LRIT3: variants seen among roughly 807,000 people sequenced by gnomAD.
LRIT3 encodes leucine-rich repeat, immunoglobulin-like domain and transmembrane domain-containing protein 3.
In LRIT3, 14 loss-of-function variants were observed where a neutral mutation model predicts 22.6. That is an observed-to-expected ratio of 0.62 (90% CI 0.41 to 0.97). The LOEUF (loss-of-function observed/expected upper bound fraction) is 0.97, where lower values mean the gene tolerates loss of function less well. LRIT3 is among the 50% of genes least tolerant of loss of function. The probability of loss-of-function intolerance (pLI) is 0.00; values close to 1 mark genes in which losing one functional copy is unlikely to be tolerated. For synonymous variants in LRIT3, 306 were observed against 304.5 expected (o/e 1.01, Z -0.05); for missense variants, 783 against 803.0 (o/e 0.98, Z 0.30).
At chr4:109,869,583 TTGGCATGG>T in intron 3 of LRIT3, 54 bp from the exon 4 acceptor site, 1 of 1,470,358 alleles carries the variant, frequency 6.8e-7, no homozygotes, top group Non-Finnish European at 9.1e-7. Context: ...TCCTCCTCAG[TTGGCATGG>T]TGGCTTGAAT....
At chr4:109,848,461 G>T (rs771481986) in intron 1 of LRIT3, 144 bp downstream of exon 1, 77 of 429,794 alleles carry the variant, frequency 1.8e-4, no homozygotes, top group Non-Finnish European at 2.6e-4. Context: ...TAACTTAATT[G>T]TTTTAACACT....
Position 109,870,160 on chromosome 4 carries a change from G to A in LRIT3, c.1411G>A (p.Glu471Lys), listed in dbSNP as rs1164043193. ...LPPASTSKKEELALLDQTMLT... is the reference protein window; with the variant it reads ...LPPASTSKKEKLALLDQTMLT... ...TCCAGCCAGCACAAGTAAGAAAGAA[G>A]AGCTGGCATTGTTGGATCAAACAAT... The change falls in exon 4 of 4, where the codon GAG becomes AAG. Residue 471 changes from glutamate (E) to lysine (K), a missense_variant. Glu to Lys is a moderately conservative substitution (Grantham distance 56, BLOSUM62 1). Transcript: ENST00000594814. The A allele has an allele frequency of 6.2e-7, 1 of 1,614,210 alleles. No individual in the cohort carries two copies. The highest frequency in any genetic ancestry group is 1.3e-5 in the African/African-American group (1 of 75,060).
intron 3 of LRIT3, among the ~76,000 whole-genome samples, chr4:109,869,284 T>G (rs1734761106): frequency 6.6e-6 from 1 of 152,194 alleles, no homozygotes; most frequent in African/African-American, 2.4e-5. Context: ...GATTACTTCG[T>G]CTCATCCTCT....
At chr4:109,867,428 C>T (rs1481865296) in intron 2 of LRIT3, among the ~76,000 whole-genome samples, 2 of 151,972 alleles carry the variant, frequency 1.3e-5, no homozygotes, top group Non-Finnish European at 2.9e-5. Context: ...AAGTATTAGC[C>T]ATGATTATTA....
intron 1 of LRIT3, among the ~76,000 whole-genome samples, chr4:109,850,938 T>A (rs530574112): frequency 1.3e-5 from 2 of 149,300 alleles, no homozygotes; most frequent in Non-Finnish European, 2.9e-5. Flanking sequence ...ACTTTAAACA[T>A]GTACTGTGAA....
intron 2 of LRIT3, among the ~76,000 whole-genome samples, chr4:109,857,719 T>C (rs1326258256): frequency 6.6e-6 from 1 of 152,148 alleles, no homozygotes; most frequent in Non-Finnish European, 1.5e-5. Flanking sequence ...AGAGCAATCA[T>C]TAGTAATATG....
chr4:109,870,935 A>T lies in LRIT3; in HGVS notation c.*146A>T. The T allele has an allele frequency of 1.3e-6, 1 of 746,884 alleles. No individual in the cohort carries two copies. Among genetic ancestry groups the T allele is most frequent in the Non-Finnish European group, 2.0e-6 (1 of 504,850 alleles). The allele number at this position is 746,884 out of a possible 1,614,324, so 46.3% of individuals were successfully genotyped here. A position where few individuals can be genotyped will look rare whatever the true frequency, so the allele number is the denominator to read the frequency against. ...CTTTTAAGTATGTTTAAAAAATACCATGAGACCTCTGAACTGAAAAGACAA... is the reference window on the plus strand; with the variant it reads ...CTTTTAAGTATGTTTAAAAAATACCTTGAGACCTCTGAACTGAAAAGACAA... On this transcript the variant is annotated 3_prime_UTR_variant, in exon 4 of 4. Transcript: ENST00000594814.
chr4:109,870,972 T>C lies in LRIT3; in HGVS notation c.*183T>C. ...AACTGAAAAGACAAATAATGTTGATTTTTTTTCTTGTGTGGAAAAGGTCTA... is the reference window on the plus strand; with the variant it reads ...AACTGAAAAGACAAATAATGTTGATCTTTTTTCTTGTGTGGAAAAGGTCTA... On this transcript the variant is annotated 3_prime_UTR_variant, in exon 4 of 4. Transcript: ENST00000594814. 2 of 533,950 alleles carry C rather than the reference T, an allele frequency of 3.7e-6. No homozygotes were observed. Among genetic ancestry groups the C allele is most frequent in the Non-Finnish European group, 6.0e-6 (2 of 335,880 alleles). The allele number at this position is 533,950 out of a possible 1,614,324, so 33.1% of individuals were successfully genotyped here. A position where few individuals can be genotyped will look rare whatever the true frequency, so the allele number is the denominator to read the frequency against.
chr4:109,860,756 G>T (rs74465739), intron 2 of LRIT3, among the ~76,000 whole-genome samples: 1 of 152,074 alleles, frequency 6.6e-6, no homozygotes, highest in Non-Finnish European at 1.5e-5. Context: ...TAGGTTAATT[G>T]TGCCTGCTCT....
chr4:109,865,822 C>G (rs966291630), intron 2 of LRIT3, among the ~76,000 whole-genome samples: 1 of 152,156 alleles, frequency 6.6e-6, no homozygotes, highest in Non-Finnish European at 1.5e-5. Flanking sequence ...GGGGGTGAAG[C>G]TTGACAGAAC....
In LRIT3 at chr4:109,867,903, G is replaced by A. The variant is rs1196512027; in HGVS notation, c.852G>A (p.Gln284=). The change falls in exon 3 of 4, where the codon CAG becomes CAA. Residue 284 remains glutamine (Q), a synonymous_variant. Transcript: ENST00000594814. ...RCDATGFPTP[Q]ITWTRSDSSP... ...ATGCCACTGGCTTCCCCACCCCACA[G>A]ATCACATGGACCAGATCTGACAGCT... 2 of 1,613,688 alleles carry A rather than the reference G, an allele frequency of 1.2e-6. No individual in the cohort carries two copies. The highest frequency in any genetic ancestry group is 1.7e-6 in the Non-Finnish European group (2 of 1,179,996).
At chr4:109,855,831 T>G (rs1277853463) in intron 2 of LRIT3, among the ~76,000 whole-genome samples, 1 of 152,216 alleles carries the variant, frequency 6.6e-6, no homozygotes, top group Non-Finnish European at 1.5e-5. Context: ...TTGTCCAGTT[T>G]CCATGTAGTT....
At chr4:109,866,956 C>A (rs1734696220) in intron 2 of LRIT3, among the ~76,000 whole-genome samples, 2 of 152,208 alleles carry the variant, frequency 1.3e-5, no homozygotes, top group Admixed American at 1.3e-4. Flanking sequence ...TCATGCCAAG[C>A]CATGTTCTTG....
rs2125901011 is a variant in LRIT3 at position 109,867,894 on chromosome 4, C to T, written c.843C>T (p.Pro281=). ...TGCGGTGTGATGCCACTGGCTTCCC[C>T]ACCCCACAGATCACATGGACCAGAT... The part of the protein sequence containing the change: ...VLLRCDATGF[P]TPQITWTRSD... Residue 281 remains proline, a synonymous_variant, in exon 3 of 4, where the codon CCC becomes CCT. Coordinates refer to ENST00000594814, the MANE Select transcript of LRIT3 (RefSeq NM_198506.5). 3.7e-6 allele frequency: 6 copies of T among 1,613,872 alleles called. No individual in the cohort carries two copies. The highest frequency in any genetic ancestry group is 5.1e-6 in the Non-Finnish European group (6 of 1,180,006).
chr4:109,861,574 A>G (rs1734547364), intron 2 of LRIT3, among the ~76,000 whole-genome samples: 2 of 152,090 alleles, frequency 1.3e-5, no homozygotes. Context: ...TTCCCTGATT[A>G]TTAATGGTGT....
chr4:109,864,606 C>T (rs1734634313), intron 2 of LRIT3, among the ~76,000 whole-genome samples: 6 of 152,158 alleles, frequency 3.9e-5, no homozygotes, highest in Admixed American at 3.3e-4. Flanking sequence ...GTGTGGGTCA[C>T]AGTCTAACAA....
At position 109,848,309 on chromosome 4, in the gene LRIT3, A is replaced by C; in HGVS notation, c.108A>C (p.Ser36=). Residue 36 remains serine, a synonymous_variant, in exon 1 of 4, where the codon TCA becomes TCC. Coordinates refer to ENST00000594814, the MANE Select transcript of LRIT3 (RefSeq NM_198506.5). ...TCDYHGRNDG[S]GSRLVLCNDM... ...ATTATCACGGCAGAAATGACGGCTCAGGATCAAGGTATGCTCCTCTGCTTG... is the reference window on the plus strand; with the variant it reads ...ATTATCACGGCAGAAATGACGGCTCCGGATCAAGGTATGCTCCTCTGCTTG... 8.1e-7 allele frequency: 1 copy of C among 1,230,628 alleles called. No individual in the cohort carries two copies. The highest frequency in any genetic ancestry group is 3.2e-5 in the East Asian group (1 of 31,696). The allele number at this position is 1,230,628 out of a possible 1,614,324, so 76.2% of individuals were successfully genotyped here. A position where few individuals can be genotyped will look rare whatever the true frequency, so the allele number is the denominator to read the frequency against.
At chr4:109,856,376 T>C (rs1048110860) in intron 2 of LRIT3, among the ~76,000 whole-genome samples, 1 of 152,150 alleles carries the variant, frequency 6.6e-6, no homozygotes, top group African/African-American at 2.4e-5. Context: ...ATTTTACACA[T>C]GAACAATAAA....
In LRIT3 at chr4:109,869,927, C is replaced by T; in HGVS notation, c.1178C>T (p.Pro393Leu). ...SSYLWSSSFS[P>L]TSSFSASTLS... ...TATCTTTGGTCCTCTTCCTTCTCCCCCACATCTTCTTTTTCTGCTTCTACT... is the reference window on the plus strand; with the variant it reads ...TATCTTTGGTCCTCTTCCTTCTCCCTCACATCTTCTTTTTCTGCTTCTACT... Residue 393 changes from proline to leucine, a missense_variant, in exon 4 of 4, where the codon CCC becomes CTC. Physicochemically the swap from Pro to Leu is moderately conservative, Grantham distance 98 (BLOSUM62 -3). Coordinates refer to ENST00000594814, the MANE Select transcript of LRIT3 (RefSeq NM_198506.5). The T allele has an allele frequency of 6.2e-7, 1 of 1,613,838 alleles. No individual in the cohort carries two copies. Among genetic ancestry groups the T allele is most frequent in the Non-Finnish European group, 8.5e-7 (1 of 1,179,880 alleles).
Sources: allele counts gnomAD v4.1 joint callset (sites outside exome capture counted in the v4.1 genomes callset), GRCh38; gene constraint gnomAD v4.1.1; transcripts MANE v1.5; gene names NCBI Gene and HGNC (gene_info 2026-07-23, HGNC 2026-07-21).